The following RPGRIP1L variants were observed in gnomAD, a reference collection of about 807,000 sequenced individuals.
The protein encoded by RPGRIP1L is RPGRIP1 like.
A neutral mutation model predicts 160.4 loss-of-function variants in RPGRIP1L; 131 were observed. The observed-to-expected ratio is 0.82, with a 90% CI of 0.71 to 0.94. The LOEUF (loss-of-function observed/expected upper bound fraction) is 0.94, where lower values mean the gene tolerates loss of function less well. Ranked by LOEUF, RPGRIP1L falls within the 40% of genes least tolerant of loss-of-function variation. The pLI is 0.00. For missense variants in RPGRIP1L, 1,522 were observed against 1,535.8 expected, an observed-to-expected ratio of 0.99 and a Z score of 0.15; for synonymous variants, 510 against 515.8, an observed-to-expected ratio of 0.99 and a Z score of 0.15.
chr16:53,636,108 T>C (rs1965817544), intron 22 of RPGRIP1L, among the ~76,000 whole-genome samples: 1 of 152,220 alleles, frequency 6.6e-6, no homozygotes, highest in Admixed American at 6.5e-5. Flanking sequence ...TTTTGAATTC[T>C]TTAAAGTTCA....
In RPGRIP1L at chr16:53,673,016, T is replaced by C; in HGVS notation, c.883A>G (p.Lys295Glu). The C allele has an allele frequency of 1.2e-6, 2 of 1,612,078 alleles. No homozygotes were observed. Among genetic ancestry groups the C allele is most frequent in the Non-Finnish European group, 1.7e-6 (2 of 1,179,058 alleles). Reference protein sequence around the residue: ...MEGKFIQLQEKQRTLRISHDA... With the variant: ...MEGKFIQLQEEQRTLRISHDA... ...TGGCTGATTCTGAGAGTTCTTTGCT[T>C]CTAAAAGATAAAAAGAACATCTTTC... Residue 295 changes from lysine (K) to glutamate (E), a missense_variant and splice_region_variant, in exon 8 of 27, where the codon AAG (lysine) becomes GAG (glutamate). Physicochemically the swap from Lys to Glu is moderately conservative, Grantham distance 56 (BLOSUM62 1). Transcript: ENST00000647211.
At chr16:53,664,801 T>C (rs547537376) in intron 10 of RPGRIP1L, 69 bp downstream of exon 10, 97 of 1,538,124 alleles carry the variant, frequency 6.3e-5, no homozygotes, top group Non-Finnish European at 8.2e-5. Flanking sequence ...CCAGAGTAAG[T>C]ACTGACTGAT....
chr16:53,702,656 A>T (rs1971534309), intron 1 of RPGRIP1L, among the ~76,000 whole-genome samples: 1 of 151,204 alleles, frequency 6.6e-6, no homozygotes, highest in Admixed American at 6.6e-5. Flanking sequence ...AGTCTTCCTT[A>T]CATTTCTTCA....
At position 53,652,811 on chromosome 16, in the gene RPGRIP1L, C is replaced by T; in HGVS notation, c.1876G>A (p.Asp626Asn). 1.9e-6 allele frequency: 3 copies of T among 1,613,912 alleles called. No individual in the cohort carries two copies. The highest frequency in any genetic ancestry group is 1.7e-6 in the Non-Finnish European group (2 of 1,179,938). ...GTACAGAAAGTGACAGGCTCTTTAT[C>T]TCCAGATGCCTGTAAAACTTCAGAA... ...FSSEVLQASG[D>N]KEPVTFCTYA... is the part of the protein sequence containing the mutation. Residue 626 changes from aspartate (D) to asparagine (N), a missense_variant, in exon 15 of 27, where the codon GAT (aspartate) becomes AAT (asparagine). By Grantham distance (23) the Asp-to-Asn change is conservative. Transcript: ENST00000647211.
At chr16:53,702,011 T>C (rs1013414533) in intron 1 of RPGRIP1L, among the ~76,000 whole-genome samples, 2 of 152,150 alleles carry the variant, frequency 1.3e-5, no homozygotes, top group Non-Finnish European at 2.9e-5. Context: ...TGTTGACACA[T>C]AGGCCCGTGT....
intron 18 of RPGRIP1L, 56 bp downstream of exon 18, chr16:53,641,229 A>T (rs1966197316): frequency 2.6e-6 from 4 of 1,563,510 alleles, no homozygotes; most frequent in Non-Finnish European, 2.6e-6. Context: ...TTAGTTCTTA[A>T]GCTTTATATT....
chr16:53,688,215 A>G (rs1345847838), intron 4 of RPGRIP1L, among the ~76,000 whole-genome samples: 1 of 152,046 alleles, frequency 6.6e-6, no homozygotes, highest in Non-Finnish European at 1.5e-5. Context: ...ATTACCTAGA[A>G]ATAATTTTAT....
Position 53,638,211 on chromosome 16 carries a change from G to A in RPGRIP1L, c.3060+99C>T, listed in dbSNP as rs554467783. 5.0e-4 allele frequency: 386 copies of A among 767,716 alleles called. 3 individuals are homozygous for A. Among genetic ancestry groups the A allele is most frequent in the Non-Finnish European group, 2.1e-4 (94 of 440,482 alleles). 47.6% of individuals were successfully genotyped at this position (767,716 alleles called of 1,614,324 possible). A position where few individuals can be genotyped will look rare whatever the true frequency, so the allele number is the denominator to read the frequency against. The stretch of plus-strand genomic sequence containing the variant: ...CAAGGAAGTCATATATAAAAATAGG[G>A]GAAATGCTATGACTTCCTGAGTCAT... On this transcript the variant is annotated intron_variant, in intron 20 of 26. Transcript: ENST00000647211.
rs1285888774 is a variant in RPGRIP1L at position 53,616,733 on chromosome 16, A to G, written c.3616+2292T>C. On this transcript the variant is annotated intron_variant, in intron 24 of 26. Coordinates refer to ENST00000647211, the MANE Select transcript of RPGRIP1L (RefSeq NM_015272.5). ...TAAAAACATAACTGTTAACATACCA[A>G]TTAGACAATAAAATACCCTGCAGTA... Among the ~76,000 whole-genome samples, 5 of 152,106 alleles carry G rather than the reference A, an allele frequency of 3.3e-5. No individual in the cohort carries two copies. The East Asian group carries it at 9.6e-4, about 29-fold the overall frequency.
At chr16:53,666,876 A>C (rs1968314032) in intron 9 of RPGRIP1L, among the ~76,000 whole-genome samples, 1 of 152,142 alleles carries the variant, frequency 6.6e-6, no homozygotes, top group Non-Finnish European at 1.5e-5. Context: ...AATCAGCATA[A>C]GTCAATCTGA....
chr16:53,681,171 G>A (rs1412144009), intron 6 of RPGRIP1L, among the ~76,000 whole-genome samples: 3 of 152,142 alleles, frequency 2.0e-5, no homozygotes, highest in Admixed American at 6.5e-5. Context: ...TTTGACAGTC[G>A]GCTGTCCGCC....
rs1029054579 is a variant in RPGRIP1L, at chr16:53,657,535, G to C, written c.1499C>G (p.Ala500Gly). ...CTCTTGCACCGTTTCTGCATGAGTT[G>C]CTTGCAGCTCTCTCATAGAGCGTTC... ...DLERSMRELQ[A>G]THAETVQELE... Residue 500 changes from alanine (A) to glycine (G), a missense_variant, in exon 13 of 27, where the codon GCA becomes GGA. Coordinates refer to ENST00000647211, the MANE Select transcript of RPGRIP1L (RefSeq NM_015272.5). The C allele has an allele frequency of 6.2e-7, 1 of 1,609,808 alleles. No homozygotes were observed. The highest frequency in any genetic ancestry group is 8.5e-7 in the Non-Finnish European group (1 of 1,176,626).
At chr16:53,661,978 G>A (rs1967834335) in intron 10 of RPGRIP1L, among the ~76,000 whole-genome samples, 1 of 152,042 alleles carries the variant, frequency 6.6e-6, no homozygotes, top group African/African-American at 2.4e-5. Context: ...TCTTTAAAAA[G>A]TACTGAAATG....
chr16:53,664,008 A>G (rs1968031465), intron 10 of RPGRIP1L, among the ~76,000 whole-genome samples: 1 of 152,206 alleles, frequency 6.6e-6, no homozygotes, highest in African/African-American at 2.4e-5. Flanking sequence ...GTGAGTATGT[A>G]TTAAACTTTT....
chr16:53,689,310 T>C (rs996174574), intron 4 of RPGRIP1L, among the ~76,000 whole-genome samples: 3 of 152,142 alleles, frequency 2.0e-5, no homozygotes, highest in Non-Finnish European at 2.9e-5. Flanking sequence ...CTATACAGTC[T>C]ACTGTGCTAT....
At chr16:53,676,967 T>C (rs186596104) in intron 6 of RPGRIP1L, among the ~76,000 whole-genome samples, 27 of 152,274 alleles carry the variant, frequency 1.8e-4, no homozygotes, top group African/African-American at 6.3e-4. Flanking sequence ...AATTAAGATA[T>C]ATTTGAATAA....
At chr16:53,631,660 T>C (rs926769798) in intron 22 of RPGRIP1L, among the ~76,000 whole-genome samples, 7 of 151,848 alleles carry the variant, frequency 4.6e-5, no homozygotes, top group Admixed American at 6.7e-5. Context: ...TGTTAACTTC[T>C]GATTATTCAA....
intron 10 of RPGRIP1L, 84 bp downstream of exon 10, chr16:53,664,775 TGGCAAACAGTA>T: frequency 7.2e-7 from 1 of 1,386,300 alleles, no homozygotes. Flanking sequence ...GCGGGGATAC[TGGCAAACAGTA>T]GGCACCAGAG....
intron 22 of RPGRIP1L, among the ~76,000 whole-genome samples, chr16:53,630,679 A>G (rs1410078002): frequency 6.6e-6 from 1 of 152,156 alleles, no homozygotes; most frequent in Non-Finnish European, 1.5e-5. Context: ...TTTTAAAAGC[A>G]ATTTCTACTA....
Sources: gnomAD v4.1 joint callset for allele counts (sites outside exome capture counted in the v4.1 genomes callset) on GRCh38, gnomAD v4.1.1 for gene constraint, MANE v1.5 for transcripts, NCBI Gene and HGNC (gene_info 2026-07-23, HGNC 2026-07-21) for gene names.